PGM5: variants seen among roughly 807,000 people sequenced by gnomAD.
PGM5 encodes the protein phosphoglucomutase 5.
In PGM5, 23 loss-of-function variants were observed where a neutral mutation model predicts 59.2. The ratio of observed to expected loss-of-function variants is 0.39; its 90% CI spans 0.28 to 0.55. The LOEUF is 0.55. PGM5 is among the 20% of genes least tolerant of loss of function. PGM5 has a pLI of 0.66. For missense variants in PGM5, 574 were observed against 748.3 expected, an observed-to-expected ratio of 0.77 and a Z score of 2.72; for synonymous variants, 214 against 286.0, an observed-to-expected ratio of 0.75 and a Z score of 2.54.
intron 1 of PGM5, among the ~76,000 whole-genome samples, chr9:68,375,814 G>A (rs1288319895): frequency 1.3e-5 from 2 of 152,196 alleles, no homozygotes; most frequent in Non-Finnish European, 2.9e-5. Context: ...GCTGTCAAGG[G>A]TGCTATCTCT....
intron 5 of PGM5, 67 bp from the exon 6 acceptor site, chr9:68,392,252 A>T (rs1404570334): frequency 4.4e-6 from 7 of 1,584,718 alleles, no homozygotes; most frequent in Non-Finnish European, 5.2e-6. Flanking sequence ...GTGGATTGTG[A>T]TGATTATGGG....
intron 1 of PGM5, among the ~76,000 whole-genome samples, chr9:68,360,601 T>C (rs1440061343): frequency 2.0e-5 from 3 of 151,118 alleles, no homozygotes; most frequent in Non-Finnish European, 4.4e-5. Context: ...TTATGGGATG[T>C]AAAAAAATTT....
chr9:68,384,479 G>T lies in PGM5; in HGVS notation c.506G>T (p.Arg169Leu), dbSNP rs199507147. ...GAATATGCTATATGTCCTGATCTCC[G>T]AATCGACCTATCTCGACTAGGAAGA... ...IEEYAICPDL[R>L]IDLSRLGRQE... The change falls in exon 3 of 11, where the codon CGA (arginine) becomes CTA (leucine). Residue 169 changes from arginine to leucine, a missense_variant. By Grantham distance (102) the Arg-to-Leu change is moderately radical (BLOSUM62 -2). Around this residue, in one of 7 missense-constraint regions of PGM5, gnomAD observed 103 missense variants for 112.4 expected, o/e 0.92. Coordinates refer to ENST00000396396, the MANE Select transcript of PGM5 (RefSeq NM_021965.4). The T allele has an allele frequency of 3.8e-5, 61 of 1,609,342 alleles. No individual in the cohort carries two copies. The highest frequency in any genetic ancestry group is 1.6e-4 in the East Asian group (7 of 44,804).
chr9:68,380,688 T>C (rs1478890583), intron 2 of PGM5, among the ~76,000 whole-genome samples: 1 of 151,556 alleles, frequency 6.6e-6, no homozygotes, highest in Non-Finnish European at 1.5e-5. Context: ...ATCTACAAAC[T>C]CTTAGCTAGA....
In PGM5 at chr9:68,376,129, G is replaced by A. The variant is rs546010164; in HGVS notation, c.262-2070G>A. On this transcript the variant is annotated intron_variant, in intron 1 of 10. Transcript: ENST00000396396. ...AGGAAAGCTATTGGAATGTTTTAGT[G>A]ACTTGATGTGACTTACTTTTTAATA... Among the ~76,000 whole-genome samples, 455 of 152,268 alleles carry A rather than the reference G, an allele frequency of 3.0e-3. 4 individuals are homozygous for A. Among genetic ancestry groups the A allele is most frequent in the African/African-American group, 0.01 (432 of 41,556 alleles).
At chr9:68,524,307 A>G (rs1368692907) in intron 10 of PGM5, among the ~76,000 whole-genome samples, 2 of 152,186 alleles carry the variant, frequency 1.3e-5, no homozygotes, top group Non-Finnish European at 2.9e-5. Context: ...GAGAGGATCC[A>G]ATACCCCCTG....
chr9:68,373,464 C>A (rs1266635602), intron 1 of PGM5, among the ~76,000 whole-genome samples: 1 of 152,146 alleles, frequency 6.6e-6, no homozygotes, highest in Non-Finnish European at 1.5e-5. Flanking sequence ...ATGTATATTA[C>A]CTTTTCAAAA....
chr9:68,393,834 A>T (rs1288082116), intron 6 of PGM5: 4 of 152,172 alleles, frequency 2.6e-5, no homozygotes, highest in African/African-American at 7.2e-5. Context: ...TGCATGATTC[A>T]TAATGGCTAA....
At chr9:68,396,747 G>A (rs1554680025) in intron 6 of PGM5, 1 of 152,104 alleles carries the variant, frequency 6.6e-6, no homozygotes, top group East Asian at 1.9e-4. Flanking sequence ...TTCTTCCTAG[G>A]TAAAATCAAT....
At chr9:68,448,746 T>G (rs938702556) in intron 6 of PGM5, among the ~76,000 whole-genome samples, 1 of 152,192 alleles carries the variant, frequency 6.6e-6, no homozygotes, top group Admixed American at 6.5e-5. Context: ...GAGTTGATAT[T>G]CAGAGAAAGA....
intron 6 of PGM5, among the ~76,000 whole-genome samples, chr9:68,461,984 G>A (rs1217475646): frequency 6.6e-6 from 1 of 152,076 alleles, no homozygotes; most frequent in Non-Finnish European, 1.5e-5. Flanking sequence ...CATCTTGTTA[G>A]CAGCATAGAA....
intron 7 of PGM5, among the ~76,000 whole-genome samples, chr9:68,469,160 C>T (rs185141239): frequency 1.1e-3 from 170 of 152,274 alleles, no homozygotes; most frequent in Non-Finnish European, 1.6e-3. Flanking sequence ...TCAAGTGATC[C>T]GCCCACCTTG....
At chr9:68,409,613 A>C (rs1587798644) in intron 6 of PGM5, among the ~76,000 whole-genome samples, 2 of 39,122 alleles carry the variant, frequency 5.1e-5, no homozygotes, top group Middle Eastern at 0.017. Flanking sequence ...TTCTCAGTAA[A>C]CTATCGCAAG....
chr9:68,426,745 G>A (rs926149159), intron 6 of PGM5: 1 of 151,490 alleles, frequency 6.6e-6, no homozygotes, highest in Admixed American at 6.6e-5. Context: ...CTTTCCCTTG[G>A]TAACTTTCCT....
chr9:68,529,547 CTT>C lies in PGM5; in HGVS notation c.1615-18_1615-17del, dbSNP rs955169098. ...GTAACTGACTTGAGTTGTTCACAGA[CTT>C]TCCTTTTCCTTTTGCAGGCAGTGCT... On this transcript the variant is annotated intron_variant, in intron 10 of 10. Transcript: ENST00000396396. 1 of 1,555,358 alleles carries C rather than the reference CTT, an allele frequency of 6.4e-7. No homozygotes were observed. Among genetic ancestry groups the C allele is most frequent in the African/African-American group, 1.4e-5 (1 of 73,750 alleles).
rs782308992 is a variant in PGM5 at position 68,387,580 on chromosome 9, T to G, written c.689T>G (p.Met230Arg). The part of the protein sequence containing the change: ...PSQLKIRIDA[M>R]HGVMGPYVRK... ...CAACTGAAGATTCGCATTGACGCAA[T>G]GCACGGAGGTAAGCTTGTGATTTTC... The change falls in exon 4 of 11, where the codon ATG becomes AGG. Residue 230 changes from methionine to arginine, a missense_variant. Physicochemically the swap from Met to Arg is moderately conservative, Grantham distance 91 (BLOSUM62 -1). This residue lies in a region of PGM5 where 103 missense variants were observed against 112.4 expected (regional missense o/e 0.92). Transcript: ENST00000396396. The G allele has an allele frequency of 1.2e-6, 2 of 1,611,772 alleles. No individual in the cohort carries two copies. Among genetic ancestry groups the G allele is most frequent in the East Asian group, 2.2e-5 (1 of 44,840 alleles).
chr9:68,473,293 T>C (rs1277086383), intron 7 of PGM5, among the ~76,000 whole-genome samples: 4 of 152,140 alleles, frequency 2.6e-5, no homozygotes, highest in Non-Finnish European at 5.9e-5. Flanking sequence ...AAAGGTAAAC[T>C]GGAGAAATAA....
At chr9:68,528,488 C>T (rs1469321751) in intron 10 of PGM5, among the ~76,000 whole-genome samples, 2 of 152,194 alleles carry the variant, frequency 1.3e-5, no homozygotes, top group Non-Finnish European at 2.9e-5. Context: ...TCCTCTGCCT[C>T]AGCCTTCCAA....
intron 6 of PGM5, among the ~76,000 whole-genome samples, chr9:68,407,137 G>GT (rs1343159118): frequency 2.6e-5 from 4 of 151,842 alleles, no homozygotes; most frequent in African/African-American, 4.8e-5. Flanking sequence ...ATAGACGTAC[G>GT]TTTTTTTGGG....
Sources: gnomAD v4.1 joint callset for allele counts (sites outside exome capture counted in the v4.1 genomes callset) on GRCh38, gnomAD v4.1.1 for gene constraint, gnomAD v4.1.1 regional missense constraint, MANE v1.5 for transcripts, NCBI Gene and HGNC (gene_info 2026-07-23, HGNC 2026-07-21) for gene names.